Variants in SPAG5 observed in about 807,000 individuals in gnomAD.
SPAG5 encodes the protein sperm associated antigen 5, also known as sperm-associated antigen 5.
A neutral mutation model predicts 145.4 loss-of-function variants in SPAG5; 99 were observed. The ratio of observed to expected loss-of-function variants is 0.68; its 90% CI spans 0.58 to 0.80. The LOEUF is 0.80. SPAG5 is among the 30% of genes least tolerant of loss of function. The probability of loss-of-function intolerance (pLI) is 0.00; values close to 1 mark genes in which losing one functional copy is unlikely to be tolerated. For synonymous variants in SPAG5, 477 were observed against 525.4 expected (o/e 0.91, Z 1.26); for missense variants, 1,192 against 1,416.0 (o/e 0.84, Z 2.54).
At chr17:28,579,612 A>G (rs2070536445) in intron 17 of SPAG5, 127 bp from the exon 18 acceptor site, 1 of 1,392,806 alleles carries the variant, frequency 7.2e-7, no homozygotes, top group Admixed American at 1.8e-5. Context: ...GGAACATTAC[A>G]GATCCCAGAA....
At chr17:28,579,610 A>T (rs748762985) in intron 17 of SPAG5, 125 bp from the exon 18 acceptor site, 25 of 1,399,970 alleles carry the variant, frequency 1.8e-5, no homozygotes, top group Non-Finnish European at 2.3e-5. Context: ...CTGGAACATT[A>T]CAGATCCCAG....
chr17:28,596,393 C>T (rs72846199), intron 2 of SPAG5, among the ~76,000 whole-genome samples: 83 of 152,102 alleles, frequency 5.5e-4, no homozygotes, highest in Non-Finnish European at 1.0e-3. Context: ...TCAGGCTGGG[C>T]GCCATAGCTC....
chr17:28,598,827 G>A, intron 1 of SPAG5, 69 bp downstream of exon 1: 2 of 1,580,874 alleles, frequency 1.3e-6, no homozygotes, highest in Non-Finnish European at 1.7e-6. Context: ...TTCCAGGACA[G>A]TAGACACGGC....
chr17:28,596,168 G>A (rs1197999303), intron 2 of SPAG5, among the ~76,000 whole-genome samples: 1 of 151,912 alleles, frequency 6.6e-6, no homozygotes, highest in African/African-American at 2.4e-5. Flanking sequence ...TTGTGCCACT[G>A]CACTCCAGCC....
rs1375471251 is a variant in SPAG5, at chr17:28,579,167, T to C, written c.3091A>G (p.Asn1031Asp). The stretch of plus-strand genomic sequence containing the variant: ...TTGTAGCGCAAGCACAAGGCCTGGT[T>C]CAGCTTCTCTATGTCTGCTTCTTTT... ...KAKEADIEKLNQALCLRYKNE... is the reference protein window; with the variant it reads ...KAKEADIEKLDQALCLRYKNE... Residue 1031 changes from asparagine (N) to aspartate (D), a missense_variant, in exon 19 of 24, where the codon AAC becomes GAC. By Grantham distance (23) the Asn-to-Asp change is conservative. Transcript: ENST00000321765. 1 of 1,613,740 alleles carries C rather than the reference T, an allele frequency of 6.2e-7. No homozygotes were observed. Among genetic ancestry groups the C allele is most frequent in the African/African-American group, 1.3e-5 (1 of 74,928 alleles).
At chr17:28,598,365 G>A in intron 2 of SPAG5, 145 bp downstream of exon 2, 1 of 998,534 alleles carries the variant, frequency 1.0e-6, no homozygotes, top group Non-Finnish European at 1.4e-6. Context: ...GCACCTCTCT[G>A]TTGGCCTGAA....
At position 28,583,587 on chromosome 17, in the gene SPAG5, T is replaced by C. The variant is rs763204620; in HGVS notation, c.2609A>G (p.Tyr870Cys). The change falls in exon 15 of 24, where the codon TAC becomes TGC. Residue 870 changes from tyrosine (Y) to cysteine (C), a missense_variant. Transcript: ENST00000321765. ...QEQDLEKTRQ[Y>C]SQKLGLLTEQ... ...AGTCAGCAGCCCTAGCTTTTGAGAG[T>C]ACTGCCGTGTTTTCTCCAGATCTTG... 2 of 1,613,790 alleles carry C rather than the reference T, an allele frequency of 1.2e-6. No homozygotes were observed. Among genetic ancestry groups the C allele is most frequent in the Non-Finnish European group, 8.5e-7 (1 of 1,179,888 alleles).
intron 15 of SPAG5, chr17:28,580,749 TCCTTGGC>T (rs1407160150): frequency 6.6e-6 from 1 of 152,242 alleles, no homozygotes; most frequent in African/African-American, 2.4e-5. Context: ...CTGGGTTAAG[TCCTTGGC>T]CCTAAATTTA....
intron 15 of SPAG5, among the ~76,000 whole-genome samples, chr17:28,582,024 T>C (rs117755082): frequency 0.047 from 7,172 of 152,306 alleles, 243 homozygotes; most frequent in Middle Eastern, 0.075. Flanking sequence ...TTACATCAAA[T>C]TGGTTCTACT....
At chr17:28,590,438 C>T (rs139172521) in intron 4 of SPAG5, among the ~76,000 whole-genome samples, 5 of 152,230 alleles carry the variant, frequency 3.3e-5, no homozygotes, top group African/African-American at 4.8e-5. Flanking sequence ...CCATACTTCT[C>T]AGGCTGGTCT....
At position 28,579,348 on chromosome 17, in the gene SPAG5, A is replaced by C; in HGVS notation, c.3005+17T>G. 6.2e-7 allele frequency: 1 copy of C among 1,613,950 alleles called. No individual in the cohort carries two copies. Among genetic ancestry groups the C allele is most frequent in the Non-Finnish European group, 8.5e-7 (1 of 1,179,912 alleles). ...TGTCTCACTGTCCCTCTGTCACCAA[A>C]ACTGCATCCCACTCACATTTTTCGC... On this transcript the variant is annotated intron_variant, in intron 18 of 23. Coordinates refer to ENST00000321765, the MANE Select transcript of SPAG5 (RefSeq NM_006461.4).
At position 28,585,413 on chromosome 17, in the gene SPAG5, T is replaced by C; in HGVS notation, c.1861-2A>G. ...TTCTTGCTTGGCATGAAGCCCTACC[T>C]ACAAAAGAAAGATTGCCTAGGCGGG... On this transcript the variant is annotated splice_acceptor_variant, in intron 8 of 23. Coordinates refer to ENST00000321765, the MANE Select transcript of SPAG5 (RefSeq NM_006461.4). LOFTEE classifies it high-confidence loss of function. 6.2e-7 allele frequency: 1 copy of C among 1,614,168 alleles called. No homozygotes were observed. The highest frequency in any genetic ancestry group is 2.2e-5 in the East Asian group (1 of 44,894).
Position 28,591,855 on chromosome 17 carries a change from G to A in SPAG5, c.1280C>T (p.Thr427Ile). The A allele has an allele frequency of 6.2e-7, 1 of 1,614,004 alleles. No individual in the cohort carries two copies. The highest frequency in any genetic ancestry group is 8.5e-7 in the Non-Finnish European group (1 of 1,179,968). Residue 427 changes from threonine (T) to isoleucine (I), a missense_variant, in exon 4 of 24, where the codon ACT becomes ATT. Coordinates refer to ENST00000321765, the MANE Select transcript of SPAG5 (RefSeq NM_006461.4). ...QLLCGRPPDLTALSRHDLEDN... is the reference protein window; with the variant it reads ...QLLCGRPPDLIALSRHDLEDN... ...TTCCAAGTCATGTCGAGACAAGGCA[G>A]TCAGATCTGGAGGCCGGCTGCAGCA...
Position 28,598,575 on chromosome 17 carries a change from T to A in SPAG5, c.112A>T (p.Asn38Tyr). Residue 38 changes from asparagine (N) to tyrosine (Y), a missense_variant, in exon 2 of 24, where the codon AAC (asparagine) becomes TAC (tyrosine). Asn to Tyr is a moderately radical substitution (Grantham distance 143, BLOSUM62 -2). This residue lies in a region of SPAG5 where 329 missense variants were observed against 354.0 expected (regional missense o/e 0.93). Transcript: ENST00000321765. ...CAAGCGGGGGATCTTTTTCCAGAGT[T>A]GGTGAGGGCACCGGGCTGCAGGGTA... ...ELTLQPGALT[N>Y]SGKRSPACSS... is the part of the protein sequence containing the mutation. 1 of 1,613,780 alleles carries A rather than the reference T, an allele frequency of 6.2e-7. No individual in the cohort carries two copies. Among genetic ancestry groups the A allele is most frequent in the South Asian group, 1.1e-5 (1 of 91,036 alleles).
At chr17:28,588,962 G>A (rs113323261) in intron 4 of SPAG5, among the ~76,000 whole-genome samples, 9 of 151,848 alleles carry the variant, frequency 5.9e-5, no homozygotes, top group African/African-American at 9.7e-5. Context: ...GATTATAAGC[G>A]TGAGCCACCA....
At position 28,592,165 on chromosome 17, in the gene SPAG5, C is replaced by T. The variant is rs142483214; in HGVS notation, c.1079G>A (p.Arg360His). The change falls in exon 3 of 24, where the codon CGC becomes CAC. Residue 360 changes from arginine (R) to histidine (H), a missense_variant. Arg to His is a conservative substitution (Grantham distance 29, BLOSUM62 0). Transcript: ENST00000321765. ...CATCGAGGGAAGGGATAAGCTTTGG[C>T]GGAGATTTTCCAGCATGACGGAGGT... ...VNTSVMLENL[R>H]QSLSLPSMLR... 703 of 1,614,094 alleles carry T rather than the reference C, an allele frequency of 4.4e-4. 7 individuals are homozygous for T. Among genetic ancestry groups the T allele is most frequent in the South Asian group, 1.5e-3 (136 of 91,074 alleles).
chr17:28,589,145 C>A (rs1156839464), intron 4 of SPAG5, among the ~76,000 whole-genome samples: 1 of 151,420 alleles, frequency 6.6e-6, no homozygotes, highest in African/African-American at 2.4e-5. Flanking sequence ...ATCCTCCAGG[C>A]TGGAGTGCAG....
At position 28,592,781 on chromosome 17, in the gene SPAG5, T is replaced by C; in HGVS notation, c.463A>G (p.Thr155Ala). 6.2e-7 allele frequency: 1 copy of C among 1,614,192 alleles called. No individual in the cohort carries two copies. Among genetic ancestry groups the C allele is most frequent in the Non-Finnish European group, 8.5e-7 (1 of 1,180,032 alleles). ...FEARLDTMAE[T>A]NSISLNGPLR... ...GGTCCATTTAAAGATATGCTGTTTGTCTCTGCCATGGTATCTAAACGGGCC... is the reference window on the plus strand; with the variant it reads ...GGTCCATTTAAAGATATGCTGTTTGCCTCTGCCATGGTATCTAAACGGGCC... Residue 155 changes from threonine (T) to alanine (A), a missense_variant, in exon 3 of 24, where the codon ACA becomes GCA. Coordinates refer to ENST00000321765, the MANE Select transcript of SPAG5 (RefSeq NM_006461.4).
rs2070686683 is a variant in SPAG5, at chr17:28,598,649, C to T, written c.52-14G>A. 6.3e-7 allele frequency: 1 copy of T among 1,583,162 alleles called. No homozygotes were observed. The highest frequency in any genetic ancestry group is 1.1e-5 in the South Asian group (1 of 87,616). Reference sequence around the variant, plus strand: ...AGATGGTTTTCCCTGAGAAAGAAACCAAGAAAGAGGGCGAGTGTGAGGAAG... The same window carrying T: ...AGATGGTTTTCCCTGAGAAAGAAACTAAGAAAGAGGGCGAGTGTGAGGAAG... On this transcript the variant is annotated splice_polypyrimidine_tract_variant and intron_variant, in intron 1 of 23. Coordinates refer to ENST00000321765, the MANE Select transcript of SPAG5 (RefSeq NM_006461.4).
Sources: allele counts gnomAD v4.1 joint callset (sites outside exome capture counted in the v4.1 genomes callset), GRCh38; gene constraint gnomAD v4.1.1; regional missense constraint gnomAD v4.1.1; transcripts MANE v1.5; gene names NCBI Gene and HGNC (gene_info 2026-07-23, HGNC 2026-07-21).